The following CD5L variants were observed in gnomAD, a reference collection of about 807,000 sequenced individuals.
The protein encoded by CD5L is CD5 molecule like.
In CD5L, 39 loss-of-function variants were observed where a neutral mutation model predicts 40.8. The ratio of observed to expected loss-of-function variants is 0.96; its 90% CI spans 0.74 to 1.25. The LOEUF is 1.25. Ranked by LOEUF, CD5L falls within the 50% of genes most tolerant of loss-of-function variation. The probability of loss-of-function intolerance (pLI) is 0.00; values close to 1 mark genes in which losing one functional copy is unlikely to be tolerated. For synonymous variants in CD5L, 192 were observed against 169.6 expected, an observed-to-expected ratio of 1.13 and a Z score of -1.03; for missense variants, 433 against 435.9, an observed-to-expected ratio of 0.99 and a Z score of 0.06.
In CD5L at chr1:157,831,549, T is replaced by C. The variant is rs769251618; in HGVS notation, c.*415A>G. On this transcript the variant is annotated 3_prime_UTR_variant, in exon 6 of 6. Coordinates refer to ENST00000368174, the MANE Select transcript of CD5L (RefSeq NM_005894.3). ...AATGTTCCTTTCATTGTTTCATTCCTTTAATGTTTGCAGACATAGATTAGT... is the reference window on the plus strand; with the variant it reads ...AATGTTCCTTTCATTGTTTCATTCCCTTAATGTTTGCAGACATAGATTAGT... The C allele has an allele frequency of 6.0e-6, 6 of 1,002,232 alleles. No individual in the cohort carries two copies. The highest frequency in any genetic ancestry group is 7.1e-6 in the Non-Finnish European group (6 of 841,370). The allele number at this position is 1,002,232 out of a possible 1,614,324, so 62.1% of individuals were successfully genotyped here.
At chr1:157,833,969 T>C (rs1235098069) in intron 4 of CD5L, among the ~76,000 whole-genome samples, 1 of 152,090 alleles carries the variant, frequency 6.6e-6, no homozygotes, top group Non-Finnish European at 1.5e-5. Flanking sequence ...TCTCCACATG[T>C]ATTTCTGTGA....
intron 5 of CD5L, among the ~76,000 whole-genome samples, chr1:157,832,454 GC>G (rs980983943): frequency 2.6e-5 from 4 of 152,260 alleles, no homozygotes; most frequent in Admixed American, 2.6e-4. Context: ...TAACCAAGTA[GC>G]CCCACATTGA....
intron 1 of CD5L, among the ~76,000 whole-genome samples, chr1:157,841,113 G>C (rs1280030293): frequency 2.6e-5 from 4 of 152,160 alleles, no homozygotes; most frequent in Admixed American, 2.6e-4. Context: ...ATTTCAGAGA[G>C]GTATGGTAAC....
chr1:157,839,251 G>A, intron 2 of CD5L, 133 bp downstream of exon 2: 2 of 841,146 alleles, frequency 2.4e-6, no homozygotes, highest in South Asian at 2.9e-5. Flanking sequence ...GACTGAGTGG[G>A]TGAGGTAGGA....
intron 4 of CD5L, among the ~76,000 whole-genome samples, chr1:157,833,812 T>C (rs2101936923): frequency 6.7e-6 from 1 of 149,592 alleles, no homozygotes; most frequent in Non-Finnish European, 1.5e-5. Flanking sequence ...GTTTTCCATA[T>C]GTTGCTCAGG....
At chr1:157,838,935 G>A (rs1002639616) in intron 2 of CD5L, among the ~76,000 whole-genome samples, 1 of 152,196 alleles carries the variant, frequency 6.6e-6, no homozygotes, top group Non-Finnish European at 1.5e-5. Context: ...AGGAAATCCA[G>A]CCTATGCTCT....
In CD5L at chr1:157,833,280, C is replaced by T; in HGVS notation, c.951G>A (p.Gly317=). Residue 317 remains glycine (G), a synonymous_variant, in exon 5 of 6, where the codon GGG becomes GGA. Transcript: ENST00000368174. ...GGCACTGCTCCAGGGACTGCTCCTCCCCTGAGCAACGAACATTATCCAGCC... is the reference window on the plus strand; with the variant it reads ...GGCACTGCTCCAGGGACTGCTCCTCTCCTGAGCAACGAACATTATCCAGCC... ...RIWLDNVRCS[G]EEQSLEQCQH... The T allele has an allele frequency of 6.2e-7, 1 of 1,614,188 alleles. No individual in the cohort carries two copies. The highest frequency in any genetic ancestry group is 8.5e-7 in the Non-Finnish European group (1 of 1,180,042).
intron 3 of CD5L, 128 bp downstream of exon 3, chr1:157,835,707 T>G: frequency 1.8e-5 from 13 of 719,070 alleles, no homozygotes; most frequent in Non-Finnish European, 2.8e-5. Context: ...TGGGAAAGTA[T>G]GAGATGTGGG....
In CD5L at chr1:157,831,952, A is replaced by C. The variant is rs764156422; in HGVS notation, c.*12T>G. On this transcript the variant is annotated 3_prime_UTR_variant, in exon 6 of 6. Transcript: ENST00000368174. ...CGGGGCCAGGGGGGCCAGGTCAAGC[A>C]ACACCAGGATACTATCCTATAAAGA... 1 of 1,589,830 alleles carries C rather than the reference A, an allele frequency of 6.3e-7. No individual in the cohort carries two copies. Among genetic ancestry groups the C allele is most frequent in the Non-Finnish European group, 8.5e-7 (1 of 1,169,804 alleles).
At chr1:157,830,249 T>C (rs1242356058), downstream of CD5L, among the ~76,000 whole-genome samples, 1 of 152,220 alleles carries the variant, frequency 6.6e-6, no homozygotes, top group Non-Finnish European at 1.5e-5. Context: ...ACCTAATGAA[T>C]GGACAAGTTT....
chr1:157,839,545 G>T, intron 1 of CD5L, 135 bp from the exon 2 acceptor site: 1 of 842,594 alleles, frequency 1.2e-6, no homozygotes, highest in Non-Finnish European at 1.8e-6. Flanking sequence ...GTCCTGTTGG[G>T]ACCTTCTTCT....
chr1:157,835,264 C>T (rs1018900447), intron 3 of CD5L, among the ~76,000 whole-genome samples: 6 of 152,134 alleles, frequency 3.9e-5, no homozygotes, highest in African/African-American at 7.2e-5. Flanking sequence ...TCAATCACAT[C>T]GCTGTCTAAT....
In CD5L at chr1:157,831,612, C is replaced by G. The variant is rs1656050347; in HGVS notation, c.*352G>C. On this transcript the variant is annotated 3_prime_UTR_variant, in exon 6 of 6. Coordinates refer to ENST00000368174, the MANE Select transcript of CD5L (RefSeq NM_005894.3). ...ATTAGTAATGTTTGCAGACATAGACCTTAGTAATGGTCTGCACATCTGACC... is the reference window on the plus strand; with the variant it reads ...ATTAGTAATGTTTGCAGACATAGACGTTAGTAATGGTCTGCACATCTGACC... 2 of 1,091,374 alleles carry G rather than the reference C, an allele frequency of 1.8e-6. No individual in the cohort carries two copies. The highest frequency in any genetic ancestry group is 2.2e-6 in the Non-Finnish European group (2 of 899,114). 67.6% of individuals were successfully genotyped at this position (1,091,374 alleles called of 1,614,324 possible).
intron 3 of CD5L, among the ~76,000 whole-genome samples, chr1:157,835,518 C>T (rs934282492): frequency 7.2e-5 from 11 of 152,198 alleles, no homozygotes; most frequent in Admixed American, 7.2e-4. Flanking sequence ...TAACTCCATG[C>T]CCAGCTCCAG....
downstream of CD5L, among the ~76,000 whole-genome samples, chr1:157,827,268 ATGTGTGTGTGTGTG>A (rs4060881): frequency 3.0e-4 from 43 of 143,520 alleles, no homozygotes; most frequent in South Asian, 1.4e-3. Context: ...CAAATGGTGT[ATGTGTGTGTGTGTG>A]TGTGTGTGTG....
chr1:157,828,242 G>A (rs534553738), downstream of CD5L, among the ~76,000 whole-genome samples: 1 of 152,286 alleles, frequency 6.6e-6, no homozygotes, highest in South Asian at 2.1e-4. Context: ...AGAAAATGTA[G>A]AAGCCATGGT....
chr1:157,830,953 G>A lies in CD5L; in HGVS notation c.*1011C>T. ...TCTGATTTATTAGATAAGTGTAAATGTGTAAATGTAGCCGTATAATAAGTA... is the reference window on the plus strand; with the variant it reads ...TCTGATTTATTAGATAAGTGTAAATATGTAAATGTAGCCGTATAATAAGTA... On this transcript the variant is annotated 3_prime_UTR_variant, in exon 6 of 6. Coordinates refer to ENST00000368174, the MANE Select transcript of CD5L (RefSeq NM_005894.3). 3 of 985,220 alleles carry A rather than the reference G, an allele frequency of 3.0e-6. No individual in the cohort carries two copies. The highest frequency in any genetic ancestry group is 3.6e-6 in the Non-Finnish European group (3 of 829,740). 61.0% of individuals were successfully genotyped at this position (985,220 alleles called of 1,614,324 possible). A position where few individuals can be genotyped will look rare whatever the true frequency, so the allele number is the denominator to read the frequency against.
chr1:157,839,410 G>T lies in CD5L; in HGVS notation c.29C>A (p.Ala10Asp). 1 of 1,613,170 alleles carries T rather than the reference G, an allele frequency of 6.2e-7. No individual in the cohort carries two copies. Among genetic ancestry groups the T allele is most frequent in the Non-Finnish European group, 8.5e-7 (1 of 1,179,748 alleles). ...TAGGAATCCAGGTCTGGTGCAAATG[G>T]CTGGGGAAGAAAGAAGGAAATGAGT... Reference protein sequence around the residue: MALLFSLILAICTRPGFLAS... With the variant: MALLFSLILDICTRPGFLAS... The change falls in exon 2 of 6, where the codon GCC (alanine) becomes GAC (aspartate). Residue 10 changes from alanine to aspartate, a missense_variant and splice_region_variant. Ala to Asp is a moderately radical substitution (Grantham distance 126). Transcript: ENST00000368174.
Position 157,831,189 on chromosome 1 carries a change from T to C in CD5L, c.*775A>G, listed in dbSNP as rs1656038645. The C allele has an allele frequency of 2.0e-6, 2 of 985,122 alleles. No individual in the cohort carries two copies. Among genetic ancestry groups the C allele is most frequent in the African/African-American group, 1.7e-5 (1 of 57,232 alleles). 61.0% of individuals were successfully genotyped at this position (985,122 alleles called of 1,614,324 possible). On this transcript the variant is annotated 3_prime_UTR_variant, in exon 6 of 6. Transcript: ENST00000368174. ...TGACCTTTTCCCAGTAACCAATATATTTTTCTTTGAATAAAGTAAAATGTA... is the reference window on the plus strand; with the variant it reads ...TGACCTTTTCCCAGTAACCAATATACTTTTCTTTGAATAAAGTAAAATGTA...
Sources: gnomAD v4.1 joint callset for allele counts (sites outside exome capture counted in the v4.1 genomes callset) on GRCh38, gnomAD v4.1.1 for gene constraint, MANE v1.5 for transcripts, NCBI Gene and HGNC (gene_info 2026-07-23, HGNC 2026-07-21) for gene names.